GRIK2: variants seen among roughly 807,000 people sequenced by gnomAD.
GRIK2 encodes glutamate receptor ionotropic, kainate 2.
Under a neutral mutation model 100.3 loss-of-function variants are expected in GRIK2, and 32 were observed. The ratio of observed to expected loss-of-function variants is 0.32; its 90% CI spans 0.24 to 0.43. The LOEUF is 0.43. GRIK2 is among the 20% of genes least tolerant of loss of function. The pLI, the probability that GRIK2 is intolerant of heterozygous loss-of-function variation, is 1.00. For synonymous variants in GRIK2, 417 were observed against 389.4 expected (o/e 1.07, Z -0.83); for missense variants, 843 against 1,114.9 (o/e 0.76, Z 3.47).
At chr6:102,052,229 T>C (rs991011952) in intron 15 of GRIK2, among the ~76,000 whole-genome samples, 3 of 152,210 alleles carry the variant, frequency 2.0e-5, no homozygotes, top group African/African-American at 7.2e-5. Flanking sequence ...TTTTAATTAC[T>C]TGTCCTTTTA....
At chr6:101,963,708 T>C (rs1792478669) in intron 14 of GRIK2, among the ~76,000 whole-genome samples, 1 of 151,874 alleles carries the variant, frequency 6.6e-6, no homozygotes, top group African/African-American at 2.4e-5. Context: ...TCTTATCCAT[T>C]TTATGCTCTA....
At chr6:101,514,222 T>C (rs1774465399) in intron 2 of GRIK2, among the ~76,000 whole-genome samples, 1 of 151,840 alleles carries the variant, frequency 6.6e-6, no homozygotes, top group Non-Finnish European at 1.5e-5. Flanking sequence ...TCTTATATCA[T>C]ACCCTGCATA....
chr6:101,827,440 T>C (rs1205959871), intron 10 of GRIK2, among the ~76,000 whole-genome samples: 1 of 151,828 alleles, frequency 6.6e-6, no homozygotes, highest in Non-Finnish European at 1.5e-5. Flanking sequence ...CTATTTGTTT[T>C]TGCTTTAAAA....
intron 3 of GRIK2, among the ~76,000 whole-genome samples, chr6:101,625,384 T>TAAATAATA (rs1554230817): frequency 1.4e-5 from 2 of 147,534 alleles, no homozygotes; most frequent in Admixed American, 6.8e-5. Flanking sequence ...ACAAAATAAA[T>TAAATAATA]AATAAATAAA....
intron 9 of GRIK2, among the ~76,000 whole-genome samples, chr6:101,807,427 C>T (rs1471972872): frequency 6.6e-6 from 1 of 151,846 alleles, no homozygotes; most frequent in Non-Finnish European, 1.5e-5. Flanking sequence ...TTACAAGTTA[C>T]AGTATGGAAA....
intron 7 of GRIK2, among the ~76,000 whole-genome samples, chr6:101,779,740 A>G (rs1562379037): frequency 6.6e-6 from 1 of 152,066 alleles, no homozygotes; most frequent in Non-Finnish European, 1.5e-5. Flanking sequence ...GAGGGAACAG[A>G]TATTCTCTTC....
intron 7 of GRIK2, among the ~76,000 whole-genome samples, chr6:101,732,242 G>A (rs1401385917): frequency 2.0e-5 from 3 of 151,930 alleles, no homozygotes; most frequent in Non-Finnish European, 4.4e-5. Context: ...TTCTACAGAT[G>A]AGACAATCAA....
intron 2 of GRIK2, among the ~76,000 whole-genome samples, chr6:101,582,499 A>G (rs1227495421): frequency 1.3e-5 from 2 of 152,056 alleles, no homozygotes; most frequent in African/African-American, 4.8e-5. Context: ...CATGATTGTA[A>G]GTTTCCTGAG....
intron 14 of GRIK2, among the ~76,000 whole-genome samples, chr6:102,029,986 T>A (rs2114402372): frequency 6.6e-6 from 1 of 151,360 alleles, no homozygotes; most frequent in East Asian, 1.9e-4. Context: ...TCCTGTATTT[T>A]TGTGTATGTG....
intron 14 of GRIK2, among the ~76,000 whole-genome samples, chr6:102,007,422 C>CTGTT (rs1200284350): frequency 6.6e-6 from 1 of 152,068 alleles, no homozygotes; most frequent in Non-Finnish European, 1.5e-5. Context: ...GGTTTGCAAG[C>CTGTT]TGTTAGAATA....
intron 7 of GRIK2, among the ~76,000 whole-genome samples, chr6:101,777,826 G>T (rs1469222696): frequency 6.6e-6 from 1 of 152,132 alleles, no homozygotes; most frequent in Non-Finnish European, 1.5e-5. Context: ...TTAATGGAAA[G>T]ATAAATGTGT....
chr6:101,857,047 T>G (rs555913670), intron 10 of GRIK2, among the ~76,000 whole-genome samples: 6 of 151,924 alleles, frequency 3.9e-5, no homozygotes, highest in African/African-American at 1.4e-4. Flanking sequence ...ACAGCAATTG[T>G]AGAGAGAGAG....
At chr6:101,898,357 T>G (rs183784484) in intron 12 of GRIK2, among the ~76,000 whole-genome samples, 1 of 152,100 alleles carries the variant, frequency 6.6e-6, no homozygotes, top group East Asian at 1.9e-4. Context: ...TAACTTTACC[T>G]TCTAGTTTTT....
chr6:101,910,838 A>G (rs4345403), intron 12 of GRIK2, among the ~76,000 whole-genome samples: 5 of 38,710 alleles, frequency 1.3e-4, no homozygotes, highest in African/African-American at 1.2e-3. Flanking sequence ...ACCAACATAC[A>G]CCACACACAC....
At chr6:101,457,823 G>A (rs867864926) in intron 2 of GRIK2, among the ~76,000 whole-genome samples, 7 of 152,058 alleles carry the variant, frequency 4.6e-5, no homozygotes, top group African/African-American at 1.7e-4. Context: ...CTCCCTAGAT[G>A]CCACAGAATC....
At chr6:101,818,186 A>G (rs1781749121) in intron 9 of GRIK2, among the ~76,000 whole-genome samples, 184 bp from the exon 10 acceptor site, 1 of 152,192 alleles carries the variant, frequency 6.6e-6, no homozygotes, top group Non-Finnish European at 1.5e-5. Context: ...CTTTAATGTT[A>G]CACTTCACTG....
intron 7 of GRIK2, among the ~76,000 whole-genome samples, chr6:101,760,983 C>G (rs1239545918): frequency 1.3e-5 from 2 of 151,822 alleles, no homozygotes; most frequent in Non-Finnish European, 2.9e-5. Flanking sequence ...AATGTCAGCT[C>G]TTAGTTGATG....
chr6:101,428,803 G>A (rs1769208429), intron 2 of GRIK2, among the ~76,000 whole-genome samples: 1 of 152,194 alleles, frequency 6.6e-6, no homozygotes, highest in African/African-American at 2.4e-5. Flanking sequence ...AGTAATTAGT[G>A]TTAGTCTGCA....
At chr6:101,857,078 A>C (rs2128442137) in intron 10 of GRIK2, among the ~76,000 whole-genome samples, 1 of 152,252 alleles carries the variant, frequency 6.6e-6, no homozygotes, top group Non-Finnish European at 1.5e-5. Flanking sequence ...AGCAGGGTGG[A>C]ATGAGTCTCA....
Sources: gnomAD v4.1 joint callset for allele counts (sites outside exome capture counted in the v4.1 genomes callset) on GRCh38, gnomAD v4.1.1 for gene constraint, MANE v1.5 for transcripts, NCBI Gene and HGNC (gene_info 2026-07-23, HGNC 2026-07-21) for gene names.